The following NRXN1 variants were observed in gnomAD, a reference collection of about 807,000 sequenced individuals.
NRXN1 encodes neurexin 1.
A neutral mutation model predicts 150.9 loss-of-function variants in NRXN1; 39 were observed. The ratio of observed to expected loss-of-function variants is 0.26; its 90% CI spans 0.20 to 0.34. NRXN1 has a LOEUF of 0.34. Among genes scored for constraint, NRXN1 ranks in the 10% least tolerant of loss-of-function variants. The pLI is 1.00. For synonymous variants in NRXN1, 924 were observed against 757.0 expected (o/e 1.22, Z -3.62); for missense variants, 1,815 against 1,949.9 (o/e 0.93, Z 1.30).
chr2:50,851,097 C>T (rs368458106), intron 5 of NRXN1, among the ~76,000 whole-genome samples: 2 of 152,202 alleles, frequency 1.3e-5, no homozygotes, highest in South Asian at 4.2e-4. Context: ...GAGATGACCA[C>T]GGAAATGGTC....
intron 17 of NRXN1, among the ~76,000 whole-genome samples, chr2:50,238,598 C>T (rs2065689917): frequency 6.6e-6 from 1 of 151,962 alleles, no homozygotes; most frequent in South Asian, 2.1e-4. Context: ...GAAAACTATA[C>T]ATTGAATTGC....
chr2:50,271,018 T>C (rs189341514), intron 17 of NRXN1, among the ~76,000 whole-genome samples: 1 of 152,168 alleles, frequency 6.6e-6, no homozygotes, highest in South Asian at 2.1e-4. Flanking sequence ...TTTATGGGTA[T>C]GTATGCAATT....
chr2:50,578,160 T>C (rs754079894), intron 8 of NRXN1, among the ~76,000 whole-genome samples: 2 of 152,192 alleles, frequency 1.3e-5, no homozygotes, highest in Non-Finnish European at 2.9e-5. Context: ...CAATATTAAA[T>C]CCAATGCTCT....
At chr2:50,189,871 C>A (rs78851681) in intron 18 of NRXN1, among the ~76,000 whole-genome samples, 1,682 of 152,240 alleles carry the variant, frequency 0.011, 37 homozygotes, top group African/African-American at 0.039. Flanking sequence ...TCATTCTGAA[C>A]TCCTTCATGC....
chr2:50,363,286 T>C (rs2079351924), intron 17 of NRXN1, among the ~76,000 whole-genome samples: 1 of 152,038 alleles, frequency 6.6e-6, no homozygotes, highest in Non-Finnish European at 1.5e-5. Context: ...AAAGAAACTA[T>C]CATCAAAGTG....
At chr2:50,729,087 CT>C (rs1697761424) in intron 5 of NRXN1, among the ~76,000 whole-genome samples, 1 of 152,058 alleles carries the variant, frequency 6.6e-6, no homozygotes, top group Non-Finnish European at 1.5e-5. Context: ...ATTATGATCC[CT>C]CTAAAATATA....
chr2:50,354,492 T>G (rs2078642582), intron 17 of NRXN1, among the ~76,000 whole-genome samples: 1 of 148,334 alleles, frequency 6.7e-6, no homozygotes. Context: ...TAAAATACAA[T>G]AGTGCCTAGA....
At chr2:51,022,438 A>G (rs1209131900) in intron 2 of NRXN1, among the ~76,000 whole-genome samples, 1 of 152,168 alleles carries the variant, frequency 6.6e-6, no homozygotes, top group Non-Finnish European at 1.5e-5. Context: ...TAGGAAAACA[A>G]AATCTCAAAA....
chr2:50,373,679 A>T (rs1292938486), intron 17 of NRXN1, among the ~76,000 whole-genome samples: 2 of 65,638 alleles, frequency 3.0e-5, no homozygotes, highest in African/African-American at 1.2e-4. Flanking sequence ...AGAAAGAAAG[A>T]AAAGAAAGAA....
chr2:50,795,463 G>C (rs1472643450), intron 5 of NRXN1, among the ~76,000 whole-genome samples: 2 of 151,924 alleles, frequency 1.3e-5, no homozygotes, highest in African/African-American at 4.8e-5. Context: ...CTCCAACCTG[G>C]AAGATTGCAT....
chr2:50,572,140 A>G (rs893131941), intron 8 of NRXN1, among the ~76,000 whole-genome samples: 1 of 152,146 alleles, frequency 6.6e-6, no homozygotes, highest in Non-Finnish European at 1.5e-5. Flanking sequence ...AGAGGTCTGG[A>G]GCTCACGCAA....
At chr2:50,107,278 C>G (rs1701781816) in intron 18 of NRXN1, among the ~76,000 whole-genome samples, 1 of 147,354 alleles carries the variant, frequency 6.8e-6, no homozygotes, top group Non-Finnish European at 1.5e-5. Context: ...AAAAAAAGAC[C>G]CTTTTCATGC....
At chr2:49,951,603 C>G (rs1452065016) in intron 21 of NRXN1, among the ~76,000 whole-genome samples, 2 of 151,900 alleles carry the variant, frequency 1.3e-5, no homozygotes, top group Non-Finnish European at 2.9e-5. Flanking sequence ...CGCTTTTGGA[C>G]AAAGCACTTT....
At chr2:50,098,637 A>ACTTTAATCTTG in intron 18 of NRXN1, among the ~76,000 whole-genome samples, 1 of 152,152 alleles carries the variant, frequency 6.6e-6, no homozygotes, top group South Asian at 2.1e-4. Flanking sequence ...CTCCTTGGAA[A>ACTTTAATCTTG]CTTTAATCTT....
At chr2:50,223,110 C>G (rs936823848) in intron 18 of NRXN1, among the ~76,000 whole-genome samples, 1 of 151,786 alleles carries the variant, frequency 6.6e-6, no homozygotes, top group Non-Finnish European at 1.5e-5. Flanking sequence ...TATTGGCCTT[C>G]AAGACCCTAC....
At chr2:50,995,942 C>T (rs751460147) in intron 2 of NRXN1, among the ~76,000 whole-genome samples, 1 of 151,996 alleles carries the variant, frequency 6.6e-6, no homozygotes, top group Non-Finnish European at 1.5e-5. Flanking sequence ...GTAAAAAGTT[C>T]AGATGATTTT....
chr2:49,952,328 T>C (rs1573014688), intron 21 of NRXN1, among the ~76,000 whole-genome samples: 1 of 152,122 alleles, frequency 6.6e-6, no homozygotes, highest in Non-Finnish European at 1.5e-5. Context: ...AAAATTGTCC[T>C]GAAGAAATAC....
chr2:50,197,772 TA>T (rs1397570109), intron 18 of NRXN1, among the ~76,000 whole-genome samples: 6 of 152,058 alleles, frequency 3.9e-5, no homozygotes, highest in African/African-American at 1.4e-4. Context: ...TTTTCATCAA[TA>T]AATAAAGAGA....
intron 22 of NRXN1, among the ~76,000 whole-genome samples, chr2:49,935,250 CCT>C: frequency 6.6e-6 from 1 of 152,238 alleles, no homozygotes; most frequent in East Asian, 1.9e-4. Flanking sequence ...CAATGACTTG[CCT>C]CTAATTACAC....
Sources: gnomAD v4.1 joint callset for allele counts (sites outside exome capture counted in the v4.1 genomes callset) on GRCh38, gnomAD v4.1.1 for gene constraint, MANE v1.5 for transcripts, NCBI Gene and HGNC (gene_info 2026-07-23, HGNC 2026-07-21) for gene names.